Variants in MACROD2 observed in about 807,000 individuals in gnomAD.
MACROD2 encodes the protein ADP-ribose glycohydrolase MACROD2.
In MACROD2, 36 loss-of-function variants were observed where a neutral mutation model predicts 70.4. The observed-to-expected ratio is 0.51, with a 90% confidence interval of 0.39 to 0.68. The LOEUF is 0.68. Ranked by LOEUF, MACROD2 falls within the 30% of genes least tolerant of loss-of-function variation. The pLI is 0.00. For missense variants in MACROD2, 496 were observed against 538.4 expected (o/e 0.92, Z 0.78); for synonymous variants, 172 against 178.8 (o/e 0.96, Z 0.30).
intron 3 of MACROD2, among the ~76,000 whole-genome samples, chr20:14,470,256 G>C (rs907330928): frequency 1.3e-5 from 2 of 152,144 alleles, no homozygotes; most frequent in Non-Finnish European, 2.9e-5. Flanking sequence ...CACCAGCAGA[G>C]ACCGCAGGAC....
Position 14,639,449 on chromosome 20 carries a change from T to C in MACROD2, c.302-45394T>C, listed in dbSNP as rs144898394. Among the ~76,000 whole-genome samples, 63 of 152,296 alleles carry C rather than the reference T, an allele frequency of 4.1e-4. 1 individual carries two copies. The highest frequency in any genetic ancestry group is 5.8e-4 in the East Asian group (3 of 5,184). On this transcript the variant is annotated intron_variant, in intron 4 of 17. Transcript: ENST00000684519. ...TTCTGGTAGAGTTAGTTCCTGAGGCTAGGGAAATTCTTTTAATTAATAATC... is the reference window on the plus strand; with the variant it reads ...TTCTGGTAGAGTTAGTTCCTGAGGCCAGGGAAATTCTTTTAATTAATAATC...
chr20:14,285,326 A>C (rs1383293625), intron 3 of MACROD2, among the ~76,000 whole-genome samples: 1 of 152,226 alleles, frequency 6.6e-6, no homozygotes, highest in Non-Finnish European at 1.5e-5. Context: ...AATTTTGTGC[A>C]TGAAACAATA....
chr20:14,992,983 G>T (rs1482811176), intron 5 of MACROD2, among the ~76,000 whole-genome samples: 1 of 152,082 alleles, frequency 6.6e-6, no homozygotes, highest in African/African-American at 2.4e-5. Context: ...AAATACAATA[G>T]AATATTTAAT....
At chr20:15,754,442 G>A (rs1312603802) in intron 8 of MACROD2, among the ~76,000 whole-genome samples, 1 of 152,100 alleles carries the variant, frequency 6.6e-6, no homozygotes, top group African/African-American at 2.4e-5. Flanking sequence ...GGCCAACATG[G>A]TGAAACCCCA....
chr20:14,645,618 G>A (rs1297636915), intron 4 of MACROD2, among the ~76,000 whole-genome samples: 1 of 152,000 alleles, frequency 6.6e-6, no homozygotes, highest in Non-Finnish European at 1.5e-5. Flanking sequence ...ATACTTCCGT[G>A]TGTAAGATTT....
chr20:14,938,875 A>T (rs1341952339), intron 5 of MACROD2, among the ~76,000 whole-genome samples: 1 of 150,694 alleles, frequency 6.6e-6, no homozygotes, highest in Non-Finnish European at 1.5e-5. Flanking sequence ...AACAAATCAA[A>T]TGGCCATTTA....
At chr20:14,712,091 T>C (rs1441577333) in intron 5 of MACROD2, among the ~76,000 whole-genome samples, 1 of 152,152 alleles carries the variant, frequency 6.6e-6, no homozygotes, top group African/African-American at 2.4e-5. Flanking sequence ...CAAGATTGGG[T>C]CAATTTTGCA....
At chr20:15,546,865 G>T (rs1292490271) in intron 8 of MACROD2, among the ~76,000 whole-genome samples, 1 of 152,154 alleles carries the variant, frequency 6.6e-6, no homozygotes, top group Non-Finnish European at 1.5e-5. Flanking sequence ...ACTCACTTGG[G>T]TGCATGTCAA....
At chr20:15,692,390 A>G (rs908440050) in intron 8 of MACROD2, among the ~76,000 whole-genome samples, 12 of 152,142 alleles carry the variant, frequency 7.9e-5, no homozygotes, top group African/African-American at 2.7e-4. Flanking sequence ...CATTTTTTCT[A>G]TATCAGCAAT....
intron 5 of MACROD2, among the ~76,000 whole-genome samples, chr20:14,823,291 T>C (rs1246048103): frequency 6.6e-6 from 1 of 152,170 alleles, no homozygotes; most frequent in Non-Finnish European, 1.5e-5. Context: ...TCAAACCTTT[T>C]TCTTTTCTTC....
At chr20:14,540,640 T>C (rs2085420810) in intron 4 of MACROD2, among the ~76,000 whole-genome samples, 1 of 152,172 alleles carries the variant, frequency 6.6e-6, no homozygotes, top group Non-Finnish European at 1.5e-5. Context: ...GAATCTGGCA[T>C]GATGGGTGAC....
At chr20:14,290,662 A>T (rs1256187107) in intron 3 of MACROD2, among the ~76,000 whole-genome samples, 2 of 152,128 alleles carry the variant, frequency 1.3e-5, no homozygotes, top group African/African-American at 4.8e-5. Flanking sequence ...GGCATGTGCC[A>T]CCACACCTGG....
At chr20:15,914,206 A>C (rs2065278060) in intron 10 of MACROD2, among the ~76,000 whole-genome samples, 1 of 152,224 alleles carries the variant, frequency 6.6e-6, no homozygotes, top group Admixed American at 6.5e-5. Context: ...CTGGACAGAG[A>C]ATCGGTCCCA....
chr20:15,293,142 G>A (rs2077556133), intron 6 of MACROD2, among the ~76,000 whole-genome samples: 1 of 152,166 alleles, frequency 6.6e-6, no homozygotes, highest in Non-Finnish European at 1.5e-5. Context: ...CTACCTTTAA[G>A]GGCTACATAG....
intron 6 of MACROD2, among the ~76,000 whole-genome samples, chr20:15,289,558 G>C (rs9679798): frequency 6.6e-6 from 1 of 152,192 alleles, no homozygotes; most frequent in African/African-American, 2.4e-5. Flanking sequence ...TGAAACAACC[G>C]TGAAGAACAA....
intron 5 of MACROD2, among the ~76,000 whole-genome samples, chr20:15,158,999 G>C (rs461614): frequency 0.59 from 89,569 of 151,848 alleles, 26,550 homozygotes; most frequent in East Asian, 0.65. Flanking sequence ...GCATAGGCCA[G>C]TATCTGCAAT....
At chr20:15,041,688 C>A (rs557893890) in intron 5 of MACROD2, among the ~76,000 whole-genome samples, 8 of 152,276 alleles carry the variant, frequency 5.3e-5, no homozygotes, top group African/African-American at 1.9e-4. Flanking sequence ...AAGTGATCCT[C>A]CTGCCTCGGC....
chr20:14,621,123 G>T (rs967453598), intron 4 of MACROD2, among the ~76,000 whole-genome samples: 2 of 152,056 alleles, frequency 1.3e-5, no homozygotes, highest in African/African-American at 4.8e-5. Context: ...TAAAAATGAG[G>T]ATAATAATAC....
At position 15,585,941 on chromosome 20, in the gene MACROD2, T is replaced by C. The variant is rs558133659; in HGVS notation, c.645+86094T>C. On this transcript the variant is annotated intron_variant, in intron 8 of 17. Coordinates refer to ENST00000684519, the MANE Select transcript of MACROD2 (RefSeq NM_001351661.2). ...CCTTTACTATTAACCAAAGTGAGAA[T>C]TTAGGATTATGCATCCAATTCAAGT... is the stretch of plus-strand genomic sequence containing the variant. Among the ~76,000 whole-genome samples the C allele has an allele frequency of 2.0e-5, 3 of 152,274 alleles. No individual in the cohort carries two copies. In the South Asian group the frequency reaches 6.2e-4, roughly 32 times the overall value.
Sources: allele counts gnomAD v4.1 joint callset (sites outside exome capture counted in the v4.1 genomes callset), GRCh38; gene constraint gnomAD v4.1.1; transcripts MANE v1.5; gene names NCBI Gene and HGNC (gene_info 2026-07-23, HGNC 2026-07-21).